RNF216: variants seen among roughly 807,000 people sequenced by gnomAD.
The protein encoded by RNF216 is ring finger protein 216, also known as E3 ubiquitin-protein ligase RNF216.
A neutral mutation model predicts 110.8 loss-of-function variants in RNF216; 72 were observed. That is an observed-to-expected ratio of 0.65 (90% CI 0.54 to 0.79). The LOEUF (loss-of-function observed/expected upper bound fraction) is 0.79, where lower values mean the gene tolerates loss of function less well. RNF216 is among the 30% of genes least tolerant of loss of function. The pLI, the probability that RNF216 is intolerant of heterozygous loss-of-function variation, is 0.00. For missense variants in RNF216, 1,342 were observed against 1,141.2 expected (o/e 1.18, Z -2.54); for synonymous variants, 495 against 407.5 (o/e 1.21, Z -2.59).
intron 14 of RNF216, among the ~76,000 whole-genome samples, chr7:5,643,003 G>C (rs1325416164): frequency 6.6e-6 from 1 of 152,190 alleles, no homozygotes; most frequent in African/African-American, 2.4e-5. Flanking sequence ...TTTCATGAAG[G>C]CTTGGAAAGA....
At chr7:5,726,632 T>G (rs888473581) in intron 7 of RNF216, among the ~76,000 whole-genome samples, 4 of 151,946 alleles carry the variant, frequency 2.6e-5, no homozygotes, top group African/African-American at 9.7e-5. Flanking sequence ...CCGAGGCAGG[T>G]GGATCACCTG....
At chr7:5,716,297 G>A (rs1466622391) in intron 10 of RNF216, among the ~76,000 whole-genome samples, 1 of 151,930 alleles carries the variant, frequency 6.6e-6, no homozygotes, top group African/African-American at 2.4e-5. Flanking sequence ...ATCACCTGAG[G>A]TCAGGAGTTC....
chr7:5,781,444 C>T (rs931369193), intron 1 of RNF216, 97 bp downstream of exon 1: 1 of 152,006 alleles, frequency 6.6e-6, no homozygotes, highest in Non-Finnish European at 1.5e-5. Flanking sequence ...CGCCCCCGCC[C>T]CCACCCCCGG....
intron 13 of RNF216, among the ~76,000 whole-genome samples, chr7:5,704,592 A>G (rs928266501): frequency 6.6e-6 from 1 of 152,220 alleles, no homozygotes; most frequent in Non-Finnish European, 1.5e-5. Flanking sequence ...TGTTTTGCTG[A>G]CACATACTTT....
intron 15 of RNF216, among the ~76,000 whole-genome samples, chr7:5,625,092 G>A (rs1010381830): frequency 1.3e-5 from 2 of 152,280 alleles, no homozygotes; most frequent in Non-Finnish European, 1.5e-5. Context: ...GCTGGCTGCA[G>A]GGCCAAGGGG....
Position 5,646,802 on chromosome 7 carries a change from G to C in RNF216, c.2160-5426C>G, listed in dbSNP as rs73338057. 5.7e-3 allele frequency among the ~76,000 whole-genome samples: 871 copies of C among 151,780 alleles called. 9 individuals carry two copies. Among genetic ancestry groups the C allele is most frequent in the African/African-American group, 0.02 (823 of 41,416 alleles). On this transcript the variant is annotated intron_variant, in intron 14 of 16. Coordinates refer to ENST00000389902, the MANE Select transcript of RNF216 (RefSeq NM_207111.4). ...GTCAATGCCAGGAAAAAAAAAAAAT[G>C]AAAGAACCAATCCTCCCATCCTGAT...
At position 5,621,717 on chromosome 7, in the gene RNF216, C is replaced by A. The variant is rs1786375916; in HGVS notation, c.*1143G>T. On this transcript the variant is annotated 3_prime_UTR_variant, in exon 17 of 17. Transcript: ENST00000389902. ...GCATGAGGAGGAGGAGAAAGTGATG[C>A]CTGTGGCCAGGAAGGCTTCAGACCT... is the stretch of plus-strand genomic sequence containing the variant. 6.6e-6 allele frequency: 1 copy of A among 152,590 alleles called. No individual in the cohort carries two copies. The highest frequency in any genetic ancestry group is 6.5e-5 in the Admixed American group (1 of 15,292). The allele number at this position is 152,590 out of a possible 1,614,324, so 9.5% of individuals were successfully genotyped here.
chr7:5,773,226 CT>C (rs949935492), intron 1 of RNF216, among the ~76,000 whole-genome samples: 8 of 151,496 alleles, frequency 5.3e-5, no homozygotes, highest in South Asian at 2.1e-4. Context: ...TAATCAAGTC[CT>C]TTTTTTTCCC....
intron 1 of RNF216, among the ~76,000 whole-genome samples, chr7:5,772,774 C>G (rs1016888900): frequency 6.8e-6 from 1 of 147,018 alleles, no homozygotes; most frequent in Non-Finnish European, 1.5e-5. Context: ...AAAAGATATT[C>G]CTTTTTTTTT....
chr7:5,760,145 T>G (rs79890547), intron 2 of RNF216, among the ~76,000 whole-genome samples: 8,820 of 152,288 alleles, frequency 0.058, 401 homozygotes, highest in African/African-American at 0.11. Flanking sequence ...ACAGGAAATT[T>G]CACAAACATG....
At chr7:5,773,199 C>G (rs1047528977) in intron 1 of RNF216, among the ~76,000 whole-genome samples, 1 of 151,832 alleles carries the variant, frequency 6.6e-6, no homozygotes, top group African/African-American at 2.4e-5. Context: ...GCTCTGGTAT[C>G]AAATTTGAAC....
chr7:5,660,172 C>A (rs1454330182), intron 13 of RNF216, among the ~76,000 whole-genome samples: 2 of 146,188 alleles, frequency 1.4e-5, no homozygotes, highest in Admixed American at 1.4e-4. Flanking sequence ...AGGGTGCTCT[C>A]AAATTTCTGG....
rs772243747 is a variant in RNF216 at position 5,729,451 on chromosome 7, T to G, written c.1370A>C (p.His457Pro). 4.3e-6 allele frequency: 7 copies of G among 1,614,018 alleles called. No individual in the cohort carries two copies. ...GAGTACCTTTCGGGTGATTGCATAG[T>G]GTCCTTTGAGCTCGTGCAGGGCCCA... ...IKWALHELKG[H>P]YAITRKALSD... Residue 457 changes from histidine (H) to proline (P), a missense_variant, in exon 7 of 17, where the codon CAC becomes CCC. Transcript: ENST00000389902.
intron 14 of RNF216, among the ~76,000 whole-genome samples, chr7:5,642,101 T>C (rs1380166140): frequency 6.7e-6 from 1 of 149,564 alleles, no homozygotes; most frequent in Non-Finnish European, 1.5e-5. Context: ...TTAGATAAAG[T>C]GCATTTAGTA....
chr7:5,739,227 T>C (rs769009836), intron 5 of RNF216, 49 bp downstream of exon 5: 54 of 1,481,130 alleles, frequency 3.6e-5, no homozygotes, highest in African/African-American at 9.9e-5. Flanking sequence ...ATTACATATA[T>C]TTTACCACCA....
At chr7:5,771,448 G>A (rs1286897638) in intron 1 of RNF216, among the ~76,000 whole-genome samples, 1 of 152,112 alleles carries the variant, frequency 6.6e-6, no homozygotes, top group African/African-American at 2.4e-5. Flanking sequence ...AATTCAGAAT[G>A]AAAAGGCAAG....
chr7:5,637,164 G>A (rs1350120184), intron 15 of RNF216, among the ~76,000 whole-genome samples: 6 of 152,186 alleles, frequency 3.9e-5, no homozygotes, highest in South Asian at 2.1e-4. Flanking sequence ...AGCTGCCAGG[G>A]GGCTGAGGAG....
intron 14 of RNF216, among the ~76,000 whole-genome samples, chr7:5,652,156 A>G (rs2128576730): frequency 6.6e-6 from 1 of 152,328 alleles, no homozygotes; most frequent in East Asian, 1.9e-4. Flanking sequence ...TTTAGAAAAT[A>G]AGGAAAAGGG....
intron 14 of RNF216, among the ~76,000 whole-genome samples, chr7:5,651,294 T>G (rs1562790314): frequency 6.6e-6 from 1 of 152,042 alleles, no homozygotes; most frequent in Non-Finnish European, 1.5e-5. Context: ...TGGTGCGATT[T>G]TGGCTCACTG....
Sources: gnomAD v4.1 joint callset for allele counts (sites outside exome capture counted in the v4.1 genomes callset) on GRCh38, gnomAD v4.1.1 for gene constraint, MANE v1.5 for transcripts, NCBI Gene and HGNC (gene_info 2026-07-23, HGNC 2026-07-21) for gene names.